EXOC2: variants seen among roughly 807,000 people sequenced by gnomAD.
EXOC2 encodes the protein SEC5-like 1.
EXOC2 carries 70 observed loss-of-function variants against 131.8 expected under a neutral mutation model. That is an observed-to-expected ratio of 0.53 (90% CI 0.44 to 0.65). The LOEUF (loss-of-function observed/expected upper bound fraction) is 0.65. Among genes scored for constraint, EXOC2 ranks in the 30% least tolerant of loss-of-function variants. The pLI is 0.00. For synonymous variants in EXOC2, 411 were observed against 398.4 expected (o/e 1.03, Z -0.38); for missense variants, 923 against 1,108.6 (o/e 0.83, Z 2.38).
chr6:596,529 G>A lies in EXOC2; in HGVS notation c.1073+1492C>T, dbSNP rs73371957. Among the ~76,000 whole-genome samples the A allele has an allele frequency of 3.9e-3, 580 of 150,452 alleles. 9 individuals are homozygous for A. The highest frequency in any genetic ancestry group is 0.014 in the African/African-American group (557 of 39,880). ...TCTACAGGCATGCATCCCCGCATCT[G>A]GCTAATTTTTGATTTTTTGCAGAGA... On this transcript the variant is annotated intron_variant, in intron 10 of 27. Coordinates refer to ENST00000230449, the MANE Select transcript of EXOC2 (RefSeq NM_018303.6).
chr6:538,806 G>A (rs1393399402), intron 22 of EXOC2, among the ~76,000 whole-genome samples: 4 of 152,194 alleles, frequency 2.6e-5, no homozygotes, highest in Non-Finnish European at 4.4e-5. Flanking sequence ...GGGCACAGTG[G>A]CTCACGCCTA....
chr6:516,967 G>T (rs1233288281), intron 23 of EXOC2, among the ~76,000 whole-genome samples: 1 of 152,142 alleles, frequency 6.6e-6, no homozygotes, highest in Non-Finnish European at 1.5e-5. Flanking sequence ...TCACCTGCCT[G>T]GTGGGAGCAG....
intron 4 of EXOC2, among the ~76,000 whole-genome samples, chr6:626,270 C>A (rs1396173057): frequency 6.6e-6 from 1 of 152,116 alleles, no homozygotes; most frequent in Non-Finnish European, 1.5e-5. Flanking sequence ...AGGGTCTTAA[C>A]AGTCAAAGAC....
chr6:640,443 T>C (rs866023420), intron 1 of EXOC2, among the ~76,000 whole-genome samples: 5 of 152,140 alleles, frequency 3.3e-5, no homozygotes, highest in Middle Eastern at 3.2e-3. Flanking sequence ...AACAAACATA[T>C]TGCAGGTGTT....
intron 13 of EXOC2, among the ~76,000 whole-genome samples, chr6:569,310 G>A (rs1758143346): frequency 6.6e-6 from 1 of 152,154 alleles, no homozygotes; most frequent in Non-Finnish European, 1.5e-5. Flanking sequence ...GACCAAAACT[G>A]CTTTGTGGTG....
intron 21 of EXOC2, among the ~76,000 whole-genome samples, chr6:553,604 C>T (rs1427518440): frequency 6.6e-6 from 1 of 152,138 alleles, no homozygotes; most frequent in Non-Finnish European, 1.5e-5. Context: ...ACCCATTTAA[C>T]ACTCGGAAAC....
chr6:641,166 C>G (rs2127721547), intron 1 of EXOC2, among the ~76,000 whole-genome samples: 1 of 152,080 alleles, frequency 6.6e-6, no homozygotes, highest in African/African-American at 2.4e-5. Context: ...TCTTTTCTCT[C>G]ACATAATGGG....
intron 11 of EXOC2, among the ~76,000 whole-genome samples, chr6:585,751 G>C (rs1339150560): frequency 6.6e-6 from 1 of 152,144 alleles, no homozygotes; most frequent in East Asian, 1.9e-4. Flanking sequence ...CATGCACAAA[G>C]ACCACATTTA....
Position 692,057 on chromosome 6 carries a change from T to C in EXOC2, c.-44+962A>G, listed in dbSNP as rs150169765. On this transcript the variant is annotated intron_variant, in intron 1 of 27. Coordinates refer to ENST00000230449, the MANE Select transcript of EXOC2 (RefSeq NM_018303.6). ...CATACTAACATTCATAAACAAAACA[T>C]TATTATGCATTAGAAGACAGATCCA... Among the ~76,000 whole-genome samples, 472 of 152,316 alleles carry C rather than the reference T, an allele frequency of 3.1e-3. 3 individuals are homozygous for C. The highest frequency in any genetic ancestry group is 5.4e-3 in the Non-Finnish European group (366 of 68,022).
At chr6:687,097 G>T (rs1028096991) in intron 1 of EXOC2, among the ~76,000 whole-genome samples, 1 of 148,620 alleles carries the variant, frequency 6.7e-6, no homozygotes, top group African/African-American at 2.5e-5. Context: ...CAGAAAAAAA[G>T]ATGTCAGGGT....
intron 23 of EXOC2, among the ~76,000 whole-genome samples, chr6:530,547 T>G (rs1156478554): frequency 6.6e-6 from 1 of 152,018 alleles, no homozygotes; most frequent in Non-Finnish European, 1.5e-5. Context: ...ATGCAGGGGA[T>G]GGGCTGGGTG....
Position 598,865 on chromosome 6 carries a change from T to C in EXOC2, c.965A>G (p.Lys322Arg), listed in dbSNP as rs1408878788. Residue 322 changes from lysine to arginine, a missense_variant, in exon 9 of 28, where the codon AAG (lysine) becomes AGG (arginine). Physicochemically the swap from Lys to Arg is conservative, Grantham distance 26. Transcript: ENST00000230449. Reference protein sequence around the residue: ...LFGKTEVQVFKKYYAEVETRI... With the variant: ...LFGKTEVQVFRKYYAEVETRI... Reference sequence around the variant, plus strand: ...AAGTAATACATGAATCTTACATTTCTTGAAAACTTGCACCTCCGTTTTCCC... The same window carrying C: ...AAGTAATACATGAATCTTACATTTCCTGAAAACTTGCACCTCCGTTTTCCC... The C allele has an allele frequency of 1.2e-6, 2 of 1,609,406 alleles. No individual in the cohort carries two copies. Among genetic ancestry groups the C allele is most frequent in the Non-Finnish European group, 1.7e-6 (2 of 1,178,292 alleles).
intron 7 of EXOC2, among the ~76,000 whole-genome samples, chr6:607,207 T>C (rs895999517): frequency 6.6e-6 from 1 of 152,208 alleles, no homozygotes; most frequent in African/African-American, 2.4e-5. Context: ...CCGTGATGAC[T>C]GAAACCTGCG....
At chr6:656,731 A>C in intron 1 of EXOC2, 5 of 1,594,390 alleles carry the variant, frequency 3.1e-6, no homozygotes, top group Non-Finnish European at 4.3e-6. Flanking sequence ...AGATCTTCCG[A>C]GACACCTTCC....
intron 22 of EXOC2, among the ~76,000 whole-genome samples, chr6:541,084 G>A (rs1026612674): frequency 6.6e-6 from 1 of 152,134 alleles, no homozygotes; most frequent in African/African-American, 2.4e-5. Flanking sequence ...GTCCACATAT[G>A]AGCTTACAAA....
intron 12 of EXOC2, among the ~76,000 whole-genome samples, chr6:573,485 G>A (rs1479091560): frequency 6.6e-6 from 1 of 152,086 alleles, no homozygotes; most frequent in Non-Finnish European, 1.5e-5. Flanking sequence ...GCACAATGAC[G>A]CCGCGGATCA....
At chr6:670,809 T>A (rs751394113) in intron 1 of EXOC2, among the ~76,000 whole-genome samples, 4 of 152,082 alleles carry the variant, frequency 2.6e-5, no homozygotes, top group Non-Finnish European at 4.4e-5. Flanking sequence ...GAGAAAGACA[T>A]ATTTTCATTT....
intron 1 of EXOC2, among the ~76,000 whole-genome samples, chr6:648,894 G>A (rs954233771): frequency 3.3e-5 from 5 of 150,976 alleles, no homozygotes; most frequent in Admixed American, 6.6e-5. Context: ...CCTAATTTTT[G>A]TTATATTTTT....
chr6:581,449 T>TC (rs1462859706), intron 11 of EXOC2, among the ~76,000 whole-genome samples: 1 of 152,212 alleles, frequency 6.6e-6, no homozygotes, highest in Non-Finnish European at 1.5e-5. Flanking sequence ...TTGGTTGTAA[T>TC]CTCTCAACAT....
Sources: gnomAD v4.1 joint callset for allele counts (sites outside exome capture counted in the v4.1 genomes callset) on GRCh38, gnomAD v4.1.1 for gene constraint, MANE v1.5 for transcripts, NCBI Gene and HGNC (gene_info 2026-07-23, HGNC 2026-07-21) for gene names.